The following ASTN2 variants were observed in gnomAD, a reference collection of about 807,000 sequenced individuals.
ASTN2 encodes the protein astrotactin 2.
ASTN2 carries 54 observed loss-of-function variants against 139.8 expected under a neutral mutation model. The ratio of observed to expected loss-of-function variants is 0.39; its 90% confidence interval spans 0.31 to 0.48. The LOEUF (loss-of-function observed/expected upper bound fraction) is 0.48. Among genes scored for constraint, ASTN2 ranks in the 20% least tolerant of loss-of-function variants. The probability of loss-of-function intolerance (pLI) is 0.95; values close to 1 mark genes in which losing one functional copy is unlikely to be tolerated. For missense variants in ASTN2, 1,565 were observed against 1,725.1 expected (o/e 0.91, Z 1.64); for synonymous variants, 756 against 719.5 (o/e 1.05, Z -0.81).
chr9:117,279,297 A>G lies in ASTN2; in HGVS notation c.630+12029T>C, dbSNP rs528955403. Among the ~76,000 whole-genome samples the G allele has an allele frequency of 2.6e-5, 4 of 152,340 alleles. No homozygotes were observed. In the East Asian group the frequency reaches 7.7e-4, roughly 29 times the overall value. On this transcript the variant is annotated intron_variant, in intron 2 of 22. Coordinates refer to ENST00000313400, the MANE Select transcript of ASTN2 (RefSeq NM_001365068.1). ...CATTTGGAACTAGAAATATATGTTT[A>G]ATTCTGGGCTCGGACACTGGCTATG...
intron 10 of ASTN2, among the ~76,000 whole-genome samples, chr9:116,941,493 A>T (rs10983420): frequency 0.19 from 28,745 of 151,386 alleles, 3,199 homozygotes; most frequent in Admixed American, 0.28. Flanking sequence ...CCTCTTACTC[A>T]GAGAAGGGTG....
chr9:117,229,452 G>A (rs1832821442), intron 2 of ASTN2, among the ~76,000 whole-genome samples: 1 of 152,068 alleles, frequency 6.6e-6, no homozygotes, highest in African/African-American at 2.4e-5. Context: ...CTCCTTAACT[G>A]AATCCCAGGG....
At chr9:116,666,569 AT>A (rs1858874727) in intron 16 of ASTN2, among the ~76,000 whole-genome samples, 1 of 152,212 alleles carries the variant, frequency 6.6e-6, no homozygotes, top group African/African-American at 2.4e-5. Flanking sequence ...AGATGCACAT[AT>A]ATTACTGTAT....
chr9:117,092,946 G>A (rs1300019523), intron 5 of ASTN2, among the ~76,000 whole-genome samples: 1 of 152,184 alleles, frequency 6.6e-6, no homozygotes, highest in African/African-American at 2.4e-5. Flanking sequence ...TAGTGTCACA[G>A]TTAGACCCTA....
chr9:117,176,661 A>G (rs527706923), intron 3 of ASTN2, among the ~76,000 whole-genome samples: 1 of 152,322 alleles, frequency 6.6e-6, no homozygotes, highest in East Asian at 1.9e-4. Flanking sequence ...TGCCAGGTAC[A>G]GTGGCTTACA....
chr9:117,204,740 A>C (rs534467847), intron 3 of ASTN2, among the ~76,000 whole-genome samples: 26 of 152,190 alleles, frequency 1.7e-4, no homozygotes, highest in Admixed American at 7.2e-4. Context: ...ACCTGGGAAG[A>C]CTGGCTGTTA....
At position 116,891,638 on chromosome 9, in the gene ASTN2, T is replaced by A. The variant is rs1833763918; in HGVS notation, c.1890-27905A>T. ...CTCTATGACAATGGGCTTTGATGAG[T>A]CAGAGTCACTTGATGAACTTAACAT... On this transcript the variant is annotated intron_variant, in intron 10 of 22. Transcript: ENST00000313400. Among the ~76,000 whole-genome samples the A allele has an allele frequency of 2.0e-5, 3 of 152,232 alleles. No individual in the cohort carries two copies. The South Asian group carries it at 6.2e-4, about 32-fold the overall frequency.
rs1828345203 is a variant in ASTN2, at chr9:116,717,500, C to T, written c.2806+8271G>A. ...CTCTGCCTTCTGCAAGAAAACGCTT[C>T]CCTAGAGCTAGATTGATCCTACAAA... On this transcript the variant is annotated intron_variant, in intron 16 of 22. Transcript: ENST00000313400. Among the ~76,000 whole-genome samples, 11 of 152,200 alleles carry T rather than the reference C, an allele frequency of 7.2e-5. 1 individual carries two copies. In the South Asian group the frequency reaches 2.1e-3, roughly 29 times the overall value.
At chr9:116,434,010 C>T (rs947653573) in intron 22 of ASTN2, among the ~76,000 whole-genome samples, 1 of 152,098 alleles carries the variant, frequency 6.6e-6, no homozygotes, top group Non-Finnish European at 1.5e-5. Flanking sequence ...TTGCTATATA[C>T]TGTCGGTGGG....
At chr9:116,554,263 ACCTATGAGAC>A (rs1485963431) in intron 19 of ASTN2, among the ~76,000 whole-genome samples, 2 of 152,070 alleles carry the variant, frequency 1.3e-5, no homozygotes, top group Non-Finnish European at 2.9e-5. Flanking sequence ...GAAAATCCTT[ACCTATGAGAC>A]CCTATACGTG....
At chr9:117,051,900 C>T (rs1838921053) in intron 5 of ASTN2, among the ~76,000 whole-genome samples, 1 of 152,112 alleles carries the variant, frequency 6.6e-6, no homozygotes, top group African/African-American at 2.4e-5. Flanking sequence ...TTGTTTCCTA[C>T]CTTAACCAAT....
In ASTN2 at chr9:117,214,635, T is replaced by C. The variant is rs368835007; in HGVS notation, c.738A>G (p.Thr246=). 9.5e-6 allele frequency: 15 copies of C among 1,581,768 alleles called. No homozygotes were observed. Among genetic ancestry groups the C allele is most frequent in the Non-Finnish European group, 1.3e-5 (15 of 1,156,922 alleles). ...TGTAGTGGATCTCATGAGTGGCTTC[T>C]GTGCTTGCGCTCTTCTGGGGGATGC... The part of the protein sequence containing the change: ...RRRIPQKSAS[T]EATHEIHYIP... Residue 246 remains threonine, a synonymous_variant, in exon 3 of 23, where the codon ACA becomes ACG. Transcript: ENST00000313400.
intron 16 of ASTN2, among the ~76,000 whole-genome samples, chr9:116,694,162 A>T (rs1009436429): frequency 6.6e-6 from 1 of 152,150 alleles, no homozygotes; most frequent in African/African-American, 2.4e-5. Context: ...TCATTTTTTT[A>T]AACCTGATGT....
intron 13 of ASTN2, among the ~76,000 whole-genome samples, chr9:116,771,621 T>C (rs1448522301): frequency 6.6e-6 from 1 of 152,226 alleles, no homozygotes; most frequent in Non-Finnish European, 1.5e-5. Flanking sequence ...CAGTGTGTAC[T>C]GTCTTTGGGA....
intron 1 of ASTN2, among the ~76,000 whole-genome samples, chr9:117,391,358 A>G (rs919515046): frequency 1.3e-5 from 2 of 152,210 alleles, no homozygotes; most frequent in East Asian, 1.9e-4. Context: ...ACAGTTCCAC[A>G]TGGCTGGTGA....
At chr9:116,520,249 C>T (rs1056465915) in intron 19 of ASTN2, among the ~76,000 whole-genome samples, 1 of 151,984 alleles carries the variant, frequency 6.6e-6, no homozygotes, top group Non-Finnish European at 1.5e-5. Context: ...CAAAAATTCT[C>T]AACAGAGTAC....
intron 10 of ASTN2, among the ~76,000 whole-genome samples, chr9:116,969,924 G>A (rs765903189): frequency 1.8e-4 from 27 of 152,114 alleles, no homozygotes; most frequent in Admixed American, 3.9e-4. Context: ...ATCTGAAATC[G>A]GTATCCCTGG....
chr9:117,405,322 T>C (rs1830951742), intron 1 of ASTN2, among the ~76,000 whole-genome samples: 1 of 152,184 alleles, frequency 6.6e-6, no homozygotes, highest in Non-Finnish European at 1.5e-5. Flanking sequence ...GTATAATAGC[T>C]GTGTGATCTT....
chr9:116,632,577 C>A (rs1372754693), intron 17 of ASTN2, among the ~76,000 whole-genome samples: 1 of 152,196 alleles, frequency 6.6e-6, no homozygotes, highest in Non-Finnish European at 1.5e-5. Flanking sequence ...ACCGCCATAG[C>A]CTGTCCCAGT....
Sources: gnomAD v4.1 joint callset for allele counts (sites outside exome capture counted in the v4.1 genomes callset) on GRCh38, gnomAD v4.1.1 for gene constraint, MANE v1.5 for transcripts, NCBI Gene and HGNC (gene_info 2026-07-23, HGNC 2026-07-21) for gene names.